Variants in FBXW7 observed in about 807,000 individuals in gnomAD.
FBXW7 encodes F-box and WD repeat domain containing 7, also known as F-box/WD repeat-containing protein 7.
In FBXW7, 11 loss-of-function variants were observed where a neutral mutation model predicts 86.3. The ratio of observed to expected loss-of-function variants is 0.13; its 90% confidence interval spans 0.08 to 0.21. The LOEUF is 0.21. Ranked by LOEUF, FBXW7 falls within the 10% of genes least tolerant of loss-of-function variation. FBXW7 has a pLI of 1.00. For missense variants in FBXW7, 488 were observed against 847.4 expected (o/e 0.58, Z 5.27); for synonymous variants, 313 against 297.9 (o/e 1.05, Z -0.52).
intron 2 of FBXW7, among the ~76,000 whole-genome samples, chr4:152,497,491 A>G (rs1194810571): frequency 6.6e-6 from 1 of 152,154 alleles, no homozygotes; most frequent in East Asian, 1.9e-4. Context: ...AGCAAAGAAC[A>G]TAAAAGATTC....
rs2126879844 is a variant in FBXW7 at position 152,411,553 on chromosome 4, A to G, written c.251T>C (p.Phe84Ser). The G allele has an allele frequency of 6.2e-7, 1 of 1,613,686 alleles. No individual in the cohort carries two copies. The highest frequency in any genetic ancestry group is 8.5e-7 in the Non-Finnish European group (1 of 1,179,862). Residue 84 changes from phenylalanine (F) to serine (S), a missense_variant, in exon 4 of 14, where the codon TTT (phenylalanine) becomes TCT (serine). By Grantham distance (155) the Phe-to-Ser change is radical. Coordinates refer to ENST00000281708, the MANE Select transcript of FBXW7 (RefSeq NM_001349798.2). Reference protein sequence around the residue: ...QGQLEENNNRFISVDEDSSGN... With the variant: ...QGQLEENNNRSISVDEDSSGN... ...TGAGGAGTCCTCATCTACCGAAATA[A>G]ATCTATTATTGTTTTCTTCCAACTG...
chr4:152,488,670 G>A (rs1013670799), intron 2 of FBXW7, among the ~76,000 whole-genome samples: 2 of 151,724 alleles, frequency 1.3e-5, no homozygotes, highest in African/African-American at 2.4e-5. Flanking sequence ...AAAAATATTC[G>A]CTCCAACTGC....
At chr4:152,397,439 G>C (rs1736510359) in intron 4 of FBXW7, among the ~76,000 whole-genome samples, 1 of 151,838 alleles carries the variant, frequency 6.6e-6, no homozygotes, top group Admixed American at 6.6e-5. Context: ...TCTAAAGACA[G>C]AGTCTCACTC....
chr4:152,402,314 C>T (rs1737013396), intron 4 of FBXW7, among the ~76,000 whole-genome samples: 1 of 151,010 alleles, frequency 6.6e-6, no homozygotes, highest in Non-Finnish European at 1.5e-5. Flanking sequence ...CCTGATAACA[C>T]AATAAATATT....
At position 152,341,917 on chromosome 4, in the gene FBXW7, T is replaced by G. The variant is rs183369552; in HGVS notation, c.727-3981A>C. 4.8e-4 allele frequency among the ~76,000 whole-genome samples: 73 copies of G among 152,314 alleles called. 1 individual carries two copies. The highest frequency in any genetic ancestry group is 4.4e-5 in the Non-Finnish European group (3 of 68,010). On this transcript the variant is annotated intron_variant, in intron 6 of 13. Coordinates refer to ENST00000281708, the MANE Select transcript of FBXW7 (RefSeq NM_001349798.2). ...TGAATTGGGGATCAGGAAATAATTT[T>G]AGGAGATACTGTCGTTGTAATTAGG...
At chr4:152,395,812 A>G (rs981452115) in intron 4 of FBXW7, among the ~76,000 whole-genome samples, 1 of 152,108 alleles carries the variant, frequency 6.6e-6, no homozygotes, top group African/African-American at 2.4e-5. Context: ...CAGTTCAAGA[A>G]TAATAGTCCA....
At chr4:152,436,636 C>A (rs566170028) in intron 2 of FBXW7, among the ~76,000 whole-genome samples, 1 of 152,314 alleles carries the variant, frequency 6.6e-6, no homozygotes, top group South Asian at 2.1e-4. Flanking sequence ...TACCTGCCTT[C>A]CAAACTAAAG....
chr4:152,356,142 A>T (rs374237554), intron 4 of FBXW7, among the ~76,000 whole-genome samples: 5 of 152,188 alleles, frequency 3.3e-5, no homozygotes, highest in African/African-American at 1.2e-4. Flanking sequence ...CTATTACTGC[A>T]GTTATCATAG....
chr4:152,329,594 TTTTC>T, intron 10 of FBXW7, 74 bp downstream of exon 10: 1 of 644,848 alleles, frequency 1.6e-6, no homozygotes, highest in Non-Finnish European at 2.6e-6. Flanking sequence ...TGAATTATTG[TTTTC>T]TTTTTTCCAG....
intron 2 of FBXW7, among the ~76,000 whole-genome samples, chr4:152,449,238 ATAGAT>A (rs1484946070): frequency 2.6e-5 from 4 of 152,244 alleles, no homozygotes; most frequent in African/African-American, 7.2e-5. Context: ...CTTCTATACT[ATAGAT>A]TAATTTACAG....
chr4:152,377,849 A>T (rs1362925481), intron 4 of FBXW7, among the ~76,000 whole-genome samples: 4 of 152,096 alleles, frequency 2.6e-5, no homozygotes, highest in Non-Finnish European at 5.9e-5. Flanking sequence ...GAGTCTTATA[A>T]AGGAAAGTAA....
chr4:152,513,072 G>C (rs1748131448), intron 2 of FBXW7, among the ~76,000 whole-genome samples: 1 of 152,126 alleles, frequency 6.6e-6, no homozygotes, highest in South Asian at 2.1e-4. Flanking sequence ...ATATTGGCCA[G>C]GCTGGTCTCG....
intron 2 of FBXW7, among the ~76,000 whole-genome samples, chr4:152,498,536 T>C (rs548107356): frequency 7.2e-5 from 11 of 152,190 alleles, no homozygotes; most frequent in Non-Finnish European, 8.8e-5. Flanking sequence ...TTGAATCTAA[T>C]AGGTGCAAGA....
chr4:152,446,169 GA>G (rs1014538898), intron 2 of FBXW7, among the ~76,000 whole-genome samples: 28 of 152,146 alleles, frequency 1.8e-4, no homozygotes, highest in African/African-American at 6.5e-4. Context: ...AGAAAGTCTA[GA>G]AAAAATTGGC....
Position 152,535,696 on chromosome 4 carries a change from C to A in FBXW7, c.-782G>T, listed in dbSNP as rs576763276. 7.6e-6 allele frequency: 3 copies of A among 395,916 alleles called. No homozygotes were observed. The East Asian group carries it at 1.1e-4, about 14-fold the overall frequency. The allele number at this position is 395,916 out of a possible 1,614,324, so 24.5% of individuals were successfully genotyped here. A position where few individuals can be genotyped will look rare whatever the true frequency, so the allele number is the denominator to read the frequency against. The stretch of plus-strand genomic sequence containing the variant: ...CCTACACCTTGGGGGTCTCGCCCCA[C>A]GCCCCACGGGACGAGGCAGAAGCTC... On this transcript the variant is annotated 5_prime_UTR_variant, in exon 1 of 14. Transcript: ENST00000281708.
At chr4:152,359,437 T>C (rs1240088049) in intron 4 of FBXW7, among the ~76,000 whole-genome samples, 1 of 151,490 alleles carries the variant, frequency 6.6e-6, no homozygotes, top group Non-Finnish European at 1.5e-5. Context: ...CCCATTTCTA[T>C]AAATAATGAA....
intron 5 of FBXW7, among the ~76,000 whole-genome samples, chr4:152,349,406 A>G (rs1414118584): frequency 1.3e-5 from 2 of 151,972 alleles, no homozygotes; most frequent in Non-Finnish European, 2.9e-5. Context: ...TGGCTGGGCA[A>G]TAGACATTGT....
intron 2 of FBXW7, among the ~76,000 whole-genome samples, chr4:152,432,598 G>A (rs567524330): frequency 2.0e-5 from 3 of 152,194 alleles, no homozygotes; most frequent in South Asian, 4.2e-4. Context: ...TTTGAGGTCA[G>A]GAGTTCAAGA....
chr4:152,435,065 T>TGGGGAGGGGA (rs1208603429), intron 2 of FBXW7, among the ~76,000 whole-genome samples: 1 of 11,990 alleles, frequency 8.3e-5, no homozygotes, highest in Admixed American at 1.4e-3. Flanking sequence ...ACGAGAGGCC[T>TGGGGAGGGGA]GGGGAGGGGA....
Sources: allele counts gnomAD v4.1 joint callset (sites outside exome capture counted in the v4.1 genomes callset), GRCh38; gene constraint gnomAD v4.1.1; transcripts MANE v1.5; gene names NCBI Gene and HGNC (gene_info 2026-07-23, HGNC 2026-07-21).